COL6A3: variants seen among roughly 807,000 people sequenced by gnomAD.
The protein encoded by COL6A3 is collagen alpha-3(VI) chain.
A neutral mutation model predicts 274.1 loss-of-function variants in COL6A3; 137 were observed. The observed-to-expected ratio is 0.50, with a 90% CI of 0.44 to 0.58. The LOEUF is 0.58. Among genes scored for constraint, COL6A3 ranks in the 20% least tolerant of loss-of-function variants. The pLI is 0.00. For missense variants in COL6A3, 3,950 were observed against 4,124.9 expected, an observed-to-expected ratio of 0.96 and a Z score of 1.16; for synonymous variants, 1,650 against 1,650.6, an observed-to-expected ratio of 1.00 and a Z score of 0.01.
chr2:237,325,799 G>A, intron 42 of COL6A3, 75 bp from the exon 43 acceptor site: 1 of 1,316,996 alleles, frequency 7.6e-7, no homozygotes, highest in East Asian at 2.4e-5. Flanking sequence ...GGGGCTGACA[G>A]TCTGATGACC....
rs1383065995 is a variant in COL6A3 at position 237,344,778 on chromosome 2, T to C, written c.7240A>G (p.Asn2414Asp). 3 of 1,604,898 alleles carry C rather than the reference T, an allele frequency of 1.9e-6. No homozygotes were observed. Among genetic ancestry groups the C allele is most frequent in the Non-Finnish European group, 2.6e-6 (3 of 1,176,152 alleles). ...CGCATCCGGCCGAAAGTGTCTTGGT[T>C]GACTCCCTCAGAGGTGTCTAAAGCA... is the stretch of plus-strand genomic sequence containing the variant. ...AFALDTSEGV[N>D]QDTFGRMRDV... is the part of the protein sequence containing the mutation. Residue 2414 changes from asparagine to aspartate, a missense_variant, in exon 36 of 44, where the codon AAC becomes GAC. Around this residue, in one of 5 missense-constraint regions of COL6A3, gnomAD observed 1,284 missense variants for 1,349.7 expected, o/e 0.95. Transcript: ENST00000295550. The surrounding 1 kb of genome is among the most constrained non-coding windows in gnomAD (Gnocchi z 4.8).
rs950317993 is a variant in COL6A3 at position 237,374,075 on chromosome 2, A to G, written c.3679+337T>C. On this transcript the variant is annotated intron_variant, in intron 8 of 43. Transcript: ENST00000295550. This position sits in a 1 kb window ranked among gnomAD's most constrained non-coding sequence, Gnocchi z 4.8. ...CCAGGGGTCGCAGGACTGATACGCA[A>G]CAGGCGTTATCAGTTAGACGGCCCC... Among the ~76,000 whole-genome samples the G allele has an allele frequency of 6.6e-6, 1 of 152,216 alleles. No homozygotes were observed. The highest frequency in any genetic ancestry group is 1.5e-5 in the Non-Finnish European group (1 of 68,034).
intron 3 of COL6A3, 102 bp downstream of exon 3, chr2:237,394,485 T>G: frequency 6.7e-7 from 1 of 1,486,514 alleles, no homozygotes; most frequent in Non-Finnish European, 9.3e-7. Flanking sequence ...ATCTCTTCCC[T>G]GGCCCACCCG....
chr2:237,401,176 G>A lies in COL6A3; in HGVS notation c.-30-4329C>T, dbSNP rs141007457. Among the ~76,000 whole-genome samples the A allele has an allele frequency of 5.5e-3, 832 of 152,286 alleles. 7 individuals are homozygous for A. The highest frequency in any genetic ancestry group is 9.3e-3 in the Non-Finnish European group (634 of 68,020). On this transcript the variant is annotated intron_variant, in intron 1 of 43. Transcript: ENST00000295550. ...CAGTGGGGAAAGGCTAGCCTCCATC[G>A]TATGAATGTTCCTCAAAAAACTGAA...
chr2:237,325,054 C>T (rs895743998), intron 43 of COL6A3, among the ~76,000 whole-genome samples: 3 of 152,178 alleles, frequency 2.0e-5, no homozygotes, highest in African/African-American at 7.2e-5. Context: ...TTTTGCCCTG[C>T]ACCATCTACC....
At chr2:237,345,732 A>T (rs1006065223) in intron 32 of COL6A3, among the ~76,000 whole-genome samples, 17 of 152,146 alleles carry the variant, frequency 1.1e-4, no homozygotes, top group African/African-American at 3.9e-4. Flanking sequence ...ATGGGCCATT[A>T]GTTGTCTTTC....
rs770715258 is a variant in COL6A3, at chr2:237,372,243, C to A, written c.3774G>T (p.Leu1258=). 7.4e-6 allele frequency: 12 copies of A among 1,614,034 alleles called. No homozygotes were observed. The highest frequency in any genetic ancestry group is 1.0e-5 in the Non-Finnish European group (12 of 1,180,038). ...FQYVRTLIER[L]VDYLDVGFDT... ...CAAAGCCCACGTCCAGGTAGTCAAC[C>A]AGCCTCTCTATGAGGGTGCGAACGT... is the stretch of plus-strand genomic sequence containing the variant. Residue 1258 remains leucine (L), a synonymous_variant, in exon 9 of 44, where the codon CTG becomes CTT. Coordinates refer to ENST00000295550, the MANE Select transcript of COL6A3 (RefSeq NM_004369.4).
Position 237,378,829 on chromosome 2 carries a change from G to A in COL6A3, c.2304C>T (p.Arg768=), listed in dbSNP as rs748301065. The change falls in exon 6 of 44, where the codon CGC becomes CGT. Residue 768 remains arginine, a synonymous_variant. Coordinates refer to ENST00000295550, the MANE Select transcript of COL6A3 (RefSeq NM_004369.4). ...SYLQAANALT[R]AGILTFCVGA... ...CCACACAAAAAGTCAGGATGCCCGC[G>A]CGTGTCAAGGCGTTGGCAGCTTGCA... 60 of 1,614,112 alleles carry A rather than the reference G, an allele frequency of 3.7e-5. No homozygotes were observed. In the South Asian group the frequency reaches 3.7e-4, roughly 10 times the overall value.
chr2:237,330,249 GC>G, intron 42 of COL6A3: 1 of 152,256 alleles, frequency 6.6e-6, no homozygotes, highest in African/African-American at 2.4e-5. Flanking sequence ...GGTAACAAAA[GC>G]CTGAAACCAA....
chr2:237,360,944 C>T (rs1007503189), intron 16 of COL6A3, among the ~76,000 whole-genome samples, 177 bp downstream of exon 16: 1 of 152,180 alleles, frequency 6.6e-6, no homozygotes, highest in Non-Finnish European at 1.5e-5. Context: ...ATTTGTCATA[C>T]TTCAATTATC....
rs2078410640 is a variant in COL6A3 at position 237,395,341 on chromosome 2, G to C, written c.92-137C>G. On this transcript the variant is annotated intron_variant, in intron 2 of 43. Transcript: ENST00000295550. Reference sequence around the variant, plus strand: ...TCACACCTCACTGATAATACAGGAAGGTAGACTCACTTACCTGGGAACCAG... The same window carrying C: ...TCACACCTCACTGATAATACAGGAACGTAGACTCACTTACCTGGGAACCAG... The C allele has an allele frequency of 4.4e-6, 4 of 918,176 alleles. No homozygotes were observed. In the Admixed American group the frequency reaches 7.0e-5, roughly 16 times the overall value. The allele number at this position is 918,176 out of a possible 1,614,324, so 56.9% of individuals were successfully genotyped here. A position where few individuals can be genotyped will look rare whatever the true frequency, so the allele number is the denominator to read the frequency against.
Position 237,378,739 on chromosome 2 carries a change from G to A in COL6A3, c.2394C>T (p.Leu798=). 1 of 1,614,140 alleles carries A rather than the reference G, an allele frequency of 6.2e-7. No homozygotes were observed. The highest frequency in any genetic ancestry group is 1.7e-5 in the Admixed American group (1 of 60,034). Reference sequence around the variant, plus strand: ...CTGGCAGGGAGCTGAAATCATCCATGAGATACACCAGGCTTGGGTTAAAAG... The same window carrying A: ...CTGGCAGGGAGCTGAAATCATCCATAAGATACACCAGGCTTGGGTTAAAAG... ...QIAFNPSLVY[L]MDDFSSLPAL... is the part of the protein sequence containing the mutation. The change falls in exon 6 of 44, where the codon CTC becomes CTT. Residue 798 remains leucine, a synonymous_variant. Transcript: ENST00000295550.
Position 237,378,714 on chromosome 2 carries a change from C to T in COL6A3, c.2419G>A (p.Ala807Thr), listed in dbSNP as rs113155945. The change falls in exon 6 of 44, where the codon GCT (alanine) becomes ACT (threonine). Residue 807 changes from alanine (A) to threonine (T), a missense_variant. Ala to Thr is a moderately conservative substitution (Grantham distance 58). Coordinates refer to ENST00000295550, the MANE Select transcript of COL6A3 (RefSeq NM_004369.4). ...YLMDDFSSLPALPQQLIQPLT... is the reference protein window; with the variant it reads ...YLMDDFSSLPTLPQQLIQPLT... ...GGCTGAATCAGCTGCTGAGGCAAAG[C>T]TGGCAGGGAGCTGAAATCATCCATG... is the stretch of plus-strand genomic sequence containing the variant. 8.8e-3 allele frequency: 14,274 copies of T among 1,613,966 alleles called. 533 individuals are homozygous for T. The Admixed American group carries it at 0.094, about 11-fold the overall frequency.
At position 237,374,494 on chromosome 2, in the gene COL6A3, C is replaced by T; in HGVS notation, c.3597G>A (p.Gln1199=). ...GCTGGGTCACCCTCTCAGAGATGAC[C>T]TGTTGGACGGTCCCCAGCTGGCGAA... ...PTFRQLGTVQ[Q]VISERVTQLT... is the part of the protein sequence containing the mutation. The change falls in exon 8 of 44, where the codon CAG becomes CAA. Residue 1199 remains glutamine (Q), a synonymous_variant. Transcript: ENST00000295550. This position sits in a 1 kb window ranked among gnomAD's most constrained non-coding sequence, Gnocchi z 4.8. The T allele has an allele frequency of 6.2e-7, 1 of 1,614,138 alleles. No individual in the cohort carries two copies. The highest frequency in any genetic ancestry group is 1.1e-5 in the South Asian group (1 of 91,076).
At chr2:237,409,138 T>C (rs2078791547) in intron 1 of COL6A3, among the ~76,000 whole-genome samples, 1 of 152,214 alleles carries the variant, frequency 6.6e-6, no homozygotes, top group Non-Finnish European at 1.5e-5. Context: ...TTTCTTCATC[T>C]GAAGCATAAA....
At chr2:237,333,830 C>A (rs1454445964) in intron 41 of COL6A3, among the ~76,000 whole-genome samples, 3 of 152,172 alleles carry the variant, frequency 2.0e-5, no homozygotes, top group Admixed American at 6.5e-5. Context: ...GAAAATAGAG[C>A]CCTAGGGTTG....
intron 6 of COL6A3, 57 bp from the exon 7 acceptor site, chr2:237,377,401 G>A: frequency 6.5e-7 from 1 of 1,534,810 alleles, no homozygotes; most frequent in African/African-American, 1.4e-5. Flanking sequence ...AGGAACCAAA[G>A]CGACTTCAGC....
In COL6A3 at chr2:237,401,399, GT is replaced by G. The variant is rs1000473117; in HGVS notation, c.-30-4553del. Among the ~76,000 whole-genome samples the G allele has an allele frequency of 1.9e-4, 29 of 151,118 alleles. 1 individual carries two copies. The highest frequency in any genetic ancestry group is 7.0e-4 in the African/African-American group (29 of 41,346). On this transcript the variant is annotated intron_variant, in intron 1 of 43. Transcript: ENST00000295550. ...TAATTCATTTCAACAGTGTTTTATA[GT>G]TTTTAGTGCACAGGTTTTTTTCTTC...
In COL6A3 at chr2:237,395,009, T is replaced by C. The variant is rs2078396633; in HGVS notation, c.287A>G (p.Tyr96Cys). ...NPHTEFLLNT[Y>C]RTKQEVLSHI... Reference sequence around the variant, plus strand: ...AGAAAGGACTTCTTGTTTAGTACGATACGTATTTAACAGGAACTCGGTATG... The same window carrying C: ...AGAAAGGACTTCTTGTTTAGTACGACACGTATTTAACAGGAACTCGGTATG... Residue 96 changes from tyrosine (Y) to cysteine (C), a missense_variant, in exon 3 of 44, where the codon TAT becomes TGT. Around this residue, in one of 5 missense-constraint regions of COL6A3, gnomAD observed 1,934 missense variants for 1,984.3 expected, o/e 0.97. Coordinates refer to ENST00000295550, the MANE Select transcript of COL6A3 (RefSeq NM_004369.4). The C allele has an allele frequency of 1.9e-6, 3 of 1,614,138 alleles. No individual in the cohort carries two copies. The highest frequency in any genetic ancestry group is 1.7e-6 in the Non-Finnish European group (2 of 1,179,982).
Sources: gnomAD v4.1 joint callset for allele counts (sites outside exome capture counted in the v4.1 genomes callset) on GRCh38, gnomAD v4.1.1 for gene constraint, gnomAD v4.1.1 regional missense constraint, Gnocchi (gnomAD v3.1) non-coding constraint, MANE v1.5 for transcripts, NCBI Gene and HGNC (gene_info 2026-07-23, HGNC 2026-07-21) for gene names.